The following NELL1 variants were observed in gnomAD, a reference collection of about 807,000 sequenced individuals.
NELL1 encodes the protein protein kinase C-binding protein NELL1.
A neutral mutation model predicts 107.4 loss-of-function variants in NELL1; 76 were observed. That is an observed-to-expected ratio of 0.71 (90% CI 0.59 to 0.86). The LOEUF is 0.86. NELL1 is among the 40% of genes least tolerant of loss of function. NELL1 has a pLI of 0.00. For missense variants in NELL1, 1,024 were observed against 1,005.5 expected (o/e 1.02, Z -0.25); for synonymous variants, 353 against 341.2 (o/e 1.03, Z -0.38).
chr11:21,215,048 C>T (rs1857584919), intron 13 of NELL1, among the ~76,000 whole-genome samples: 1 of 152,164 alleles, frequency 6.6e-6, no homozygotes, highest in East Asian at 1.9e-4. Flanking sequence ...GGCTGTGTCC[C>T]CACCCAAATC....
chr11:21,355,069 A>G (rs1428046573), intron 14 of NELL1, among the ~76,000 whole-genome samples: 2 of 152,142 alleles, frequency 1.3e-5, no homozygotes, highest in African/African-American at 4.8e-5. Flanking sequence ...ATATAATTTG[A>G]TGTTGCTTTA....
intron 15 of NELL1, among the ~76,000 whole-genome samples, chr11:21,428,422 C>T (rs1015605443): frequency 3.9e-4 from 59 of 152,170 alleles, no homozygotes; most frequent in African/African-American, 1.2e-3. Context: ...GAGATAGTGT[C>T]GATAAAGTTA....
intron 15 of NELL1, among the ~76,000 whole-genome samples, chr11:21,478,739 A>G (rs1476248174): frequency 6.6e-6 from 1 of 152,030 alleles, no homozygotes; most frequent in African/African-American, 2.4e-5. Context: ...ACAGTCAACA[A>G]AGTGAATAGG....
At chr11:21,565,982 A>AT (rs1445763404) in intron 17 of NELL1, among the ~76,000 whole-genome samples, 1 of 151,976 alleles carries the variant, frequency 6.6e-6, no homozygotes, top group Admixed American at 6.6e-5. Flanking sequence ...TTCATAGTCT[A>AT]TATCAGGCAT....
intron 2 of NELL1, among the ~76,000 whole-genome samples, chr11:20,692,262 G>GTT (rs1565309809): frequency 2.9e-5 from 4 of 139,248 alleles, no homozygotes; most frequent in Non-Finnish European, 4.7e-5. Flanking sequence ...TTTTTTGAAG[G>GTT]GTTTTTTTTT....
chr11:20,827,465 G>C (rs1292859606), intron 3 of NELL1, among the ~76,000 whole-genome samples: 1 of 151,216 alleles, frequency 6.6e-6, no homozygotes, highest in African/African-American at 2.4e-5. Context: ...TTTCTGGCTA[G>C]GTATCTGTCC....
intron 9 of NELL1, among the ~76,000 whole-genome samples, chr11:20,929,333 G>A (rs1850567793): frequency 6.6e-6 from 1 of 152,164 alleles, no homozygotes; most frequent in African/African-American, 2.4e-5. Flanking sequence ...GCCAGGAACA[G>A]CATGTCACCT....
At chr11:20,796,005 G>C (rs1217570517) in intron 3 of NELL1, among the ~76,000 whole-genome samples, 1 of 152,102 alleles carries the variant, frequency 6.6e-6, no homozygotes, top group Non-Finnish European at 1.5e-5. Context: ...ACATCATAGA[G>C]TTATTGGAAG....
At chr11:21,067,852 G>C (rs1307423066) in intron 12 of NELL1, among the ~76,000 whole-genome samples, 1 of 151,700 alleles carries the variant, frequency 6.6e-6, no homozygotes, top group Non-Finnish European at 1.5e-5. Context: ...AGCCAACATG[G>C]TGAAACCTGG....
At chr11:21,195,850 C>T (rs983553787) in intron 13 of NELL1, among the ~76,000 whole-genome samples, 4 of 152,168 alleles carry the variant, frequency 2.6e-5, no homozygotes, top group Middle Eastern at 3.2e-3. Flanking sequence ...AGCACCGAAG[C>T]AAGGGCTGGT....
intron 15 of NELL1, among the ~76,000 whole-genome samples, chr11:21,416,736 C>T (rs1415751679): frequency 6.6e-6 from 1 of 151,962 alleles, no homozygotes; most frequent in Non-Finnish European, 1.5e-5. Flanking sequence ...GAGCTGGTGA[C>T]AGGTTATTCT....
chr11:21,485,028 T>C (rs1487923344), intron 15 of NELL1, among the ~76,000 whole-genome samples: 3 of 151,970 alleles, frequency 2.0e-5, no homozygotes, highest in Admixed American at 2.0e-4. Flanking sequence ...CTCCTGGACA[T>C]AAGGAAAGGG....
intron 15 of NELL1, among the ~76,000 whole-genome samples, chr11:21,459,815 C>T (rs917923685): frequency 4.6e-5 from 7 of 151,918 alleles, no homozygotes; most frequent in Non-Finnish European, 8.8e-5. Context: ...ATGACTTCAA[C>T]TTCAAAGGAT....
At chr11:20,739,380 TCAGGTTG>T (rs1855835915) in intron 2 of NELL1, among the ~76,000 whole-genome samples, 1 of 145,836 alleles carries the variant, frequency 6.9e-6, no homozygotes, top group Non-Finnish European at 1.5e-5. Context: ...CACCACGTTG[TCAGGTTG>T]CATCTTGGGA....
At chr11:21,239,037 C>T (rs1858281110) in intron 14 of NELL1, among the ~76,000 whole-genome samples, 1 of 152,052 alleles carries the variant, frequency 6.6e-6, no homozygotes, top group Non-Finnish European at 1.5e-5. Context: ...AGATAATACA[C>T]TTATGATACT....
In NELL1 at chr11:21,084,078, C is replaced by A. The variant is rs1333130737; in HGVS notation, c.1301-29511C>A. 2.6e-5 allele frequency among the ~76,000 whole-genome samples: 4 copies of A among 151,978 alleles called. No homozygotes were observed. The East Asian group carries it at 7.7e-4, about 29-fold the overall frequency. ...GTGAGCGTTCTCATTGTAATTACTG[C>A]AGGTTTATATTGTTATTATGGTGAT... On this transcript the variant is annotated intron_variant, in intron 12 of 19. Coordinates refer to ENST00000357134, the MANE Select transcript of NELL1 (RefSeq NM_006157.5).
chr11:21,421,976 T>G (rs1349523892), intron 15 of NELL1, among the ~76,000 whole-genome samples: 2 of 152,282 alleles, frequency 1.3e-5, no homozygotes, highest in East Asian at 1.9e-4. Flanking sequence ...GAGGCCATTG[T>G]GTAGGGGCCT....
At chr11:21,054,367 T>C (rs1052143343) in intron 12 of NELL1, among the ~76,000 whole-genome samples, 31 of 152,168 alleles carry the variant, frequency 2.0e-4, no homozygotes, top group African/African-American at 7.2e-4. Context: ...TATAGTTATC[T>C]AATGTTTAAT....
rs72961939 is a variant in NELL1 at position 21,404,259 on chromosome 11, C to A, written c.1645+33311C>A. ...CCACATTTGCCTATACTTATATTTT[C>A]CTTTTACTGGACCCACAGTAGGTCA... On this transcript the variant is annotated intron_variant, in intron 15 of 19. Transcript: ENST00000357134. Among the ~76,000 whole-genome samples, 3 of 151,846 alleles carry A rather than the reference C, an allele frequency of 2.0e-5. No homozygotes were observed. The Middle Eastern group carries it at 0.01, about 516-fold the overall frequency.
Sources: allele counts gnomAD v4.1 joint callset (sites outside exome capture counted in the v4.1 genomes callset), GRCh38; gene constraint gnomAD v4.1.1; transcripts MANE v1.5; gene names NCBI Gene and HGNC (gene_info 2026-07-23, HGNC 2026-07-21).